IPO11: variants seen among roughly 807,000 people sequenced by gnomAD.
IPO11 encodes importin 11.
IPO11 carries 66 observed loss-of-function variants against 143.2 expected under a neutral mutation model. That is an observed-to-expected ratio of 0.46 (90% confidence interval 0.38 to 0.57). The LOEUF (loss-of-function observed/expected upper bound fraction) is 0.57. Among genes scored for constraint, IPO11 ranks in the 20% least tolerant of loss-of-function variants. IPO11 has a pLI of 0.00. For synonymous variants in IPO11, 385 were observed against 377.8 expected, an observed-to-expected ratio of 1.02 and a Z score of -0.22; for missense variants, 1,026 against 1,141.0, an observed-to-expected ratio of 0.90 and a Z score of 1.45.
chr5:62,454,667 C>T (rs910209172), intron 5 of IPO11, among the ~76,000 whole-genome samples: 1 of 152,124 alleles, frequency 6.6e-6, no homozygotes, highest in Admixed American at 6.5e-5. Context: ...GCTTAATTAG[C>T]ATCTTGTAGT....
chr5:62,513,414 A>ACCCC (rs566338445), intron 19 of IPO11, among the ~76,000 whole-genome samples: 9 of 51,030 alleles, frequency 1.8e-4, no homozygotes, highest in East Asian at 9.7e-4. Context: ...GGGGGCGCTG[A>ACCCC]CCCCCCCCCC....
intron 19 of IPO11, among the ~76,000 whole-genome samples, chr5:62,509,650 T>C (rs1741678360): frequency 6.6e-6 from 1 of 152,214 alleles, no homozygotes; most frequent in Non-Finnish European, 1.5e-5. Context: ...TAGTAACTTA[T>C]TTCCCCTTCC....
At chr5:62,622,210 T>G (rs1746402745) in intron 29 of IPO11, among the ~76,000 whole-genome samples, 1 of 152,210 alleles carries the variant, frequency 6.6e-6, no homozygotes. Context: ...TATTTTTGGA[T>G]GTATATCACG....
intron 1 of IPO11, among the ~76,000 whole-genome samples, chr5:62,427,347 A>G (rs946980413): frequency 6.6e-6 from 1 of 152,168 alleles, no homozygotes; most frequent in East Asian, 1.9e-4. Context: ...GGAGTAGGGA[A>G]GAGAAAGCAA....
At chr5:62,569,386 G>A (rs1220481516) in intron 27 of IPO11, among the ~76,000 whole-genome samples, 1 of 152,148 alleles carries the variant, frequency 6.6e-6, no homozygotes, top group Non-Finnish European at 1.5e-5. Context: ...GTATTTTCTT[G>A]TCTGGATAAT....
chr5:62,581,344 A>G, intron 27 of IPO11: 1 of 1,429,670 alleles, frequency 7.0e-7, no homozygotes, highest in Non-Finnish European at 9.2e-7. Context: ...CTTCAGTGCC[A>G]TGGACATGAT....
chr5:62,479,169 G>A (rs1157742772), intron 9 of IPO11, among the ~76,000 whole-genome samples: 2 of 152,122 alleles, frequency 1.3e-5, no homozygotes, highest in Admixed American at 1.3e-4. Flanking sequence ...TCCCACCTAT[G>A]AGTGAGAATG....
intron 18 of IPO11, 50 bp from the exon 19 acceptor site, chr5:62,506,191 C>A (rs573541559): frequency 2.0e-6 from 2 of 993,380 alleles, no homozygotes; most frequent in South Asian, 2.9e-5. Flanking sequence ...ATGTAGAGGT[C>A]TTTCATTTCT....
rs372608086 is a variant in IPO11 at position 62,613,298 on chromosome 5, CTTTTTTTTTTTT to C, written c.2763+11462_2763+11473del. Among the ~76,000 whole-genome samples, 497 of 69,102 alleles carry C rather than the reference CTTTTTTTTTTTT, an allele frequency of 7.2e-3. 6 individuals carry two copies. The highest frequency in any genetic ancestry group is 0.026 in the African/African-American group (485 of 18,626). 45.3% of individuals were successfully genotyped at this position (69,102 alleles called of 152,430 possible). A position where few individuals can be genotyped will look rare whatever the true frequency, so the allele number is the denominator to read the frequency against. The stretch of plus-strand genomic sequence containing the variant: ...AATATCTCCTATTCCACATGCTCTT[CTTTTTTTTTTTT>C]TTTTTTTTTTTGAGGCAGAATCTTA... On this transcript the variant is annotated intron_variant, in intron 29 of 29. Coordinates refer to ENST00000325324, the MANE Select transcript of IPO11 (RefSeq NM_016338.5).
At chr5:62,514,301 C>T (rs1162915693) in intron 19 of IPO11, among the ~76,000 whole-genome samples, 3 of 152,130 alleles carry the variant, frequency 2.0e-5, no homozygotes, top group Non-Finnish European at 4.4e-5. Flanking sequence ...GCCTGGGCAC[C>T]ATTGAGCACT....
At chr5:62,479,423 C>A (rs143758827) in intron 9 of IPO11, among the ~76,000 whole-genome samples, 2,474 of 152,248 alleles carry the variant, frequency 0.016, 20 homozygotes, top group Middle Eastern at 0.065. Context: ...TTTATAGTAG[C>A]ATGATTTATA....
At chr5:62,604,725 A>G (rs1233408238) in intron 29 of IPO11, among the ~76,000 whole-genome samples, 1 of 152,140 alleles carries the variant, frequency 6.6e-6, no homozygotes, top group African/African-American at 2.4e-5. Flanking sequence ...TTATATTATC[A>G]TCTCTAGTAA....
chr5:62,525,745 T>C (rs975044795), intron 20 of IPO11, among the ~76,000 whole-genome samples: 3 of 152,218 alleles, frequency 2.0e-5, no homozygotes, highest in African/African-American at 7.2e-5. Context: ...TCGGTTACTT[T>C]ACTGATGAAC....
intron 29 of IPO11, among the ~76,000 whole-genome samples, chr5:62,604,316 A>G (rs1057056856): frequency 6.6e-6 from 1 of 152,046 alleles, no homozygotes; most frequent in African/African-American, 2.4e-5. Flanking sequence ...TCAAGCAGTA[A>G]CCATACCTCA....
chr5:62,452,925 T>C (rs1193576993), intron 5 of IPO11, among the ~76,000 whole-genome samples: 3 of 150,636 alleles, frequency 2.0e-5, no homozygotes, highest in South Asian at 4.2e-4. Flanking sequence ...GATGGTTTTT[T>C]AATTTTTTTT....
chr5:62,609,002 G>A (rs1467796834), intron 29 of IPO11, among the ~76,000 whole-genome samples: 1 of 152,168 alleles, frequency 6.6e-6, no homozygotes, highest in Non-Finnish European at 1.5e-5. Flanking sequence ...CTCATACACT[G>A]TGTAGCCTCA....
chr5:62,507,865 A>G (rs1031032067), intron 19 of IPO11, among the ~76,000 whole-genome samples: 1 of 152,246 alleles, frequency 6.6e-6, no homozygotes, highest in Admixed American at 6.5e-5. Context: ...TCGGAGCACA[A>G]ATAGCCTAAG....
intron 27 of IPO11, among the ~76,000 whole-genome samples, chr5:62,577,565 A>G (rs1388613965): frequency 6.6e-6 from 1 of 152,136 alleles, no homozygotes; most frequent in Non-Finnish European, 1.5e-5. Flanking sequence ...CCTGAGAAAC[A>G]TAGCCCCTAC....
chr5:62,466,981 G>GCCAC, intron 5 of IPO11, 150 bp from the exon 6 acceptor site: 2 of 737,980 alleles, frequency 2.7e-6, no homozygotes, highest in Non-Finnish European at 4.2e-6. Flanking sequence ...AAAAAAGTAT[G>GCCAC]AAACATTGCC....
Sources: allele counts gnomAD v4.1 joint callset (sites outside exome capture counted in the v4.1 genomes callset), GRCh38; gene constraint gnomAD v4.1.1; transcripts MANE v1.5; gene names NCBI Gene and HGNC (gene_info 2026-07-23, HGNC 2026-07-21).